The following HMGA2 variants were observed in gnomAD, a reference collection of about 807,000 sequenced individuals.
HMGA2 encodes the protein high mobility group protein HMGI-C.
Under a neutral mutation model 19.1 loss-of-function variants are expected in HMGA2, and 8 were observed. The observed-to-expected ratio is 0.42, with a 90% CI of 0.25 to 0.76. The LOEUF is 0.76. Among genes scored for constraint, HMGA2 ranks in the 30% least tolerant of loss-of-function variants. The pLI, the probability that HMGA2 is intolerant of heterozygous loss-of-function variation, is 0.28. For missense variants in HMGA2, 109 were observed against 136.3 expected, an observed-to-expected ratio of 0.80 and a Z score of 1.00; for synonymous variants, 60 against 48.8, an observed-to-expected ratio of 1.23 and a Z score of -0.96.
chr12:65,910,681 C>A (rs1049829653), intron 3 of HMGA2, among the ~76,000 whole-genome samples: 1 of 152,174 alleles, frequency 6.6e-6, no homozygotes, highest in Non-Finnish European at 1.5e-5. Flanking sequence ...GGTCCTCAGA[C>A]ACTTTTTACA....
intron 4 of HMGA2, among the ~76,000 whole-genome samples, chr12:65,959,220 C>G (rs1030698035): frequency 1.3e-5 from 2 of 152,116 alleles, no homozygotes; most frequent in Admixed American, 6.5e-5. Context: ...GAAGTGTACC[C>G]AAAGGTATAT....
chr12:65,925,549 G>A (rs1347904196), intron 3 of HMGA2, among the ~76,000 whole-genome samples: 4 of 152,082 alleles, frequency 2.6e-5, no homozygotes, highest in Admixed American at 6.6e-5. Context: ...TGTGAACATC[G>A]TTTCCTGTAT....
chr12:65,835,945 TCAG>T (rs1870698585), intron 2 of HMGA2, among the ~76,000 whole-genome samples: 2 of 152,178 alleles, frequency 1.3e-5, no homozygotes. Flanking sequence ...AAAGATTAAG[TCAG>T]ATGCTGCTTC....
chr12:65,828,132 A>T lies in HMGA2; in HGVS notation c.198+45A>T, dbSNP rs745850106. The T allele has an allele frequency of 1.6e-5, 22 of 1,389,492 alleles. No homozygotes were observed. The South Asian group carries it at 2.2e-4, about 14-fold the overall frequency. 86.1% of individuals were successfully genotyped at this position (1,389,492 alleles called of 1,614,324 possible). A position where few individuals can be genotyped will look rare whatever the true frequency, so the allele number is the denominator to read the frequency against. On this transcript the variant is annotated intron_variant, in intron 2 of 4. Transcript: ENST00000403681. ...GCTCTCCTAACTTCATCAATGACTG[A>T]CTACAGGAGCCTGCCTGTAACTTTC... is the stretch of plus-strand genomic sequence containing the variant.
chr12:65,925,370 C>T (rs1337981735), intron 3 of HMGA2, among the ~76,000 whole-genome samples: 1 of 152,162 alleles, frequency 6.6e-6, no homozygotes, highest in African/African-American at 2.4e-5. Flanking sequence ...TGTGAAGTAG[C>T]TAAGGAAAAC....
rs148767308 is a variant in HMGA2 at position 65,861,998 on chromosome 12, C to T, written c.249+23429C>T. On this transcript the variant is annotated intron_variant, in intron 3 of 4. Transcript: ENST00000403681. ...TATCTGGGATTACAGGCGCCCACCACCACGCCCGGCTAATTTTCGTTTATT... is the reference window on the plus strand; with the variant it reads ...TATCTGGGATTACAGGCGCCCACCATCACGCCCGGCTAATTTTCGTTTATT... Among the ~76,000 whole-genome samples the T allele has an allele frequency of 3.5e-3, 538 of 152,182 alleles. 4 individuals are homozygous for T. The highest frequency in any genetic ancestry group is 0.02 in the Middle Eastern group (6 of 294).
intron 3 of HMGA2, chr12:65,851,232 G>A (rs944542920): frequency 6.5e-6 from 1 of 153,144 alleles, no homozygotes; most frequent in African/African-American, 2.4e-5. Context: ...CCATTATTTT[G>A]GCCTGGCACA....
chr12:65,944,686 A>T (rs995694188), intron 3 of HMGA2, among the ~76,000 whole-genome samples: 3 of 152,198 alleles, frequency 2.0e-5, no homozygotes, highest in Non-Finnish European at 4.4e-5. Flanking sequence ...TCTTGATTGT[A>T]TGGGATTAAA....
intron 3 of HMGA2, among the ~76,000 whole-genome samples, chr12:65,853,363 TC>T (rs34389854): frequency 1.3e-5 from 2 of 152,146 alleles, no homozygotes; most frequent in Non-Finnish European, 2.9e-5. Flanking sequence ...GCAAGAAACT[TC>T]CCCCCATATT....
intron 3 of HMGA2, among the ~76,000 whole-genome samples, chr12:65,911,191 A>G (rs149411959): frequency 1.3e-5 from 2 of 152,356 alleles, no homozygotes; most frequent in East Asian, 1.9e-4. Flanking sequence ...GACTTACATT[A>G]GCATTTAAAG....
At position 65,915,493 on chromosome 12, in the gene HMGA2, T is replaced by C. The variant is rs1200431752; in HGVS notation, c.250-35890T>C. On this transcript the variant is annotated intron_variant, in intron 3 of 4. Coordinates refer to ENST00000403681, the MANE Select transcript of HMGA2 (RefSeq NM_003483.6). Reference sequence around the variant, plus strand: ...CAGAAATCACAGTGTGGCTATGGTGTGGTTTGATTTCATAAAACAGATGCT... The same window carrying C: ...CAGAAATCACAGTGTGGCTATGGTGCGGTTTGATTTCATAAAACAGATGCT... 2.1e-5 allele frequency: 26 copies of C among 1,210,990 alleles called. No individual in the cohort carries two copies. In the Admixed American group the frequency reaches 9.5e-4, roughly 44 times the overall value. The allele number at this position is 1,210,990 out of a possible 1,614,324, so 75.0% of individuals were successfully genotyped here. A position where few individuals can be genotyped will look rare whatever the true frequency, so the allele number is the denominator to read the frequency against.
intron 3 of HMGA2, among the ~76,000 whole-genome samples, chr12:65,938,320 T>C (rs1215629581): frequency 6.6e-6 from 1 of 152,200 alleles, no homozygotes; most frequent in African/African-American, 2.4e-5. Context: ...ATAATATCCT[T>C]ATTATTAAAT....
intron 3 of HMGA2, chr12:65,851,614 G>C: frequency 2.3e-6 from 1 of 441,644 alleles, no homozygotes. Context: ...TTTGGAGTGA[G>C]CCAAGATCAT....
intron 3 of HMGA2, among the ~76,000 whole-genome samples, chr12:65,882,560 C>CCCCACT (rs769738130): frequency 1.3e-5 from 2 of 152,212 alleles, no homozygotes; most frequent in African/African-American, 4.8e-5. Context: ...GAGGGCCTGT[C>CCCCACT]CCCACTGCTG....
At chr12:65,906,436 A>C (rs140992842) in intron 3 of HMGA2, among the ~76,000 whole-genome samples, 245 of 152,294 alleles carry the variant, frequency 1.6e-3, no homozygotes, top group African/African-American at 5.0e-3. Context: ...TAGCCCAGCA[A>C]CATTCATTAA....
chr12:65,868,348 CT>C (rs1872540583), intron 3 of HMGA2, among the ~76,000 whole-genome samples: 1 of 151,040 alleles, frequency 6.6e-6, no homozygotes, highest in African/African-American at 2.4e-5. Context: ...TTCATTTGTT[CT>C]TAGAGTTCAG....
At chr12:65,946,620 C>T (rs1240969305) in intron 3 of HMGA2, among the ~76,000 whole-genome samples, 2 of 152,072 alleles carry the variant, frequency 1.3e-5, no homozygotes, top group African/African-American at 4.8e-5. Flanking sequence ...TCTTTCAATA[C>T]CTACCAGAAG....
chr12:65,952,369 T>C, intron 4 of HMGA2: 1 of 1,535,016 alleles, frequency 6.5e-7, no homozygotes, highest in Non-Finnish European at 8.7e-7. Context: ...AATGTTGCCT[T>C]GCCTGGGAAG....
chr12:65,922,127 C>A (rs1205409073), intron 3 of HMGA2, among the ~76,000 whole-genome samples: 1 of 152,200 alleles, frequency 6.6e-6, no homozygotes, highest in East Asian at 1.9e-4. Context: ...TTGGAGCCCC[C>A]ACACAGAGTC....
Sources: allele counts gnomAD v4.1 joint callset (sites outside exome capture counted in the v4.1 genomes callset), GRCh38; gene constraint gnomAD v4.1.1; transcripts MANE v1.5; gene names NCBI Gene and HGNC (gene_info 2026-07-23, HGNC 2026-07-21).